The following TTC7A variants were observed in gnomAD, a reference collection of about 807,000 sequenced individuals.
TTC7A encodes tetratricopeptide repeat domain 7A, also known as tetratricopeptide repeat protein 7A.
TTC7A carries 110 observed loss-of-function variants against 103.7 expected under a neutral mutation model. The ratio of observed to expected loss-of-function variants is 1.06; its 90% CI spans 0.91 to 1.24. TTC7A has a LOEUF of 1.24. TTC7A is among the 50% of genes most tolerant of loss of function. The pLI is 0.00. For missense variants in TTC7A, 1,340 were observed against 1,116.3 expected (o/e 1.20, Z -2.86); for synonymous variants, 521 against 467.9 (o/e 1.11, Z -1.47).
At chr2:47,011,491 G>A in intron 11 of TTC7A, 56 bp downstream of exon 11, 1 of 1,413,582 alleles carries the variant, frequency 7.1e-7, no homozygotes. Flanking sequence ...GGTGGCAGCA[G>A]CTGGCTGTGC....
intron 19 of TTC7A, among the ~76,000 whole-genome samples, chr2:47,070,287 T>G (rs2347603): frequency 6.6e-6 from 1 of 152,136 alleles, no homozygotes; most frequent in Admixed American, 6.5e-5. Context: ...CCACTGAGTG[T>G]GAGCCCAGAC....
At chr2:47,046,515 C>A in intron 16 of TTC7A, 84 bp downstream of exon 16, 2 of 1,042,610 alleles carry the variant, frequency 1.9e-6, no homozygotes, top group Non-Finnish European at 1.5e-6. Flanking sequence ...CCATGCCTGC[C>A]AAGATGGGGA....
intron 14 of TTC7A, among the ~76,000 whole-genome samples, chr2:47,028,136 G>A (rs916860595): frequency 3.3e-5 from 5 of 152,132 alleles, no homozygotes; most frequent in African/African-American, 1.2e-4. Context: ...GTGTTGTGCT[G>A]AGAATGGTCT....
intron 2 of TTC7A, among the ~76,000 whole-genome samples, chr2:46,923,832 A>G (rs978870726): frequency 3.9e-5 from 6 of 152,068 alleles, no homozygotes; most frequent in African/African-American, 1.2e-4. Flanking sequence ...TCCCAGGTTC[A>G]AGCAAATCTC....
At chr2:46,980,561 G>T (rs555706099) in intron 5 of TTC7A, among the ~76,000 whole-genome samples, 6 of 152,246 alleles carry the variant, frequency 3.9e-5, no homozygotes, top group East Asian at 1.9e-4. Context: ...CAAATGTGGG[G>T]TTTTTTCCGC....
At chr2:47,038,208 G>A (rs1212801768) in intron 15 of TTC7A, among the ~76,000 whole-genome samples, 2 of 150,950 alleles carry the variant, frequency 1.3e-5, no homozygotes, top group East Asian at 1.9e-4. Flanking sequence ...GCAGTGAGCC[G>A]AGATCACGCC....
intron 3 of TTC7A, among the ~76,000 whole-genome samples, chr2:46,962,278 C>T (rs988249116): frequency 6.6e-6 from 1 of 152,184 alleles, no homozygotes; most frequent in Admixed American, 6.5e-5. Context: ...TTCAGTGTGT[C>T]CTGTGCTGAG....
intron 5 of TTC7A, among the ~76,000 whole-genome samples, chr2:46,987,225 G>C (rs985995906): frequency 6.6e-6 from 1 of 152,244 alleles, no homozygotes; most frequent in African/African-American, 2.4e-5. Context: ...GCCCCAGGCA[G>C]TTCGGCCACC....
upstream of TTC7A, among the ~76,000 whole-genome samples, chr2:46,940,466 C>T (rs1670234278): frequency 6.6e-6 from 1 of 152,186 alleles, no homozygotes; most frequent in African/African-American, 2.4e-5. This position sits in a 1 kb window ranked among gnomAD's most constrained non-coding sequence, Gnocchi z 4.7. Flanking sequence ...AGGCCCCGCC[C>T]CGTAGTCCTG....
chr2:46,942,863 G>A (rs565342668), intron 1 of TTC7A, among the ~76,000 whole-genome samples: 2 of 152,254 alleles, frequency 1.3e-5, no homozygotes, highest in East Asian at 3.9e-4. Context: ...AATTGTTTGT[G>A]GGGTTTTTTT....
At chr2:46,935,655 C>CTCCT (rs1164374455) in intron 2 of TTC7A, among the ~76,000 whole-genome samples, 1 of 152,164 alleles carries the variant, frequency 6.6e-6, no homozygotes, top group Admixed American at 6.5e-5. Flanking sequence ...CAACTGAGAC[C>CTCCT]TCCTCAACAC....
chr2:46,942,678 A>C (rs1670543364), intron 1 of TTC7A, among the ~76,000 whole-genome samples: 2 of 152,170 alleles, frequency 1.3e-5, no homozygotes, highest in African/African-American at 2.4e-5. Flanking sequence ...GCACAGAGCA[A>C]CTAAATAACT....
chr2:47,034,801 C>G (rs1355877445), intron 15 of TTC7A, among the ~76,000 whole-genome samples: 1 of 152,156 alleles, frequency 6.6e-6, no homozygotes, highest in Non-Finnish European at 1.5e-5. Flanking sequence ...TCTGCTGGCC[C>G]AGTACTGGTC....
chr2:46,957,675 C>G (rs1019301218), intron 3 of TTC7A, among the ~76,000 whole-genome samples: 1 of 152,142 alleles, frequency 6.6e-6, no homozygotes, highest in African/African-American at 2.4e-5. Context: ...CTGGGGGAAT[C>G]GTGCCATTTA....
chr2:47,001,632 G>A (rs951273373), intron 8 of TTC7A, among the ~76,000 whole-genome samples: 4 of 152,084 alleles, frequency 2.6e-5, no homozygotes, highest in East Asian at 1.9e-4. Context: ...CGAGGCGGGC[G>A]GATCACTTGA....
intron 8 of TTC7A, among the ~76,000 whole-genome samples, chr2:46,999,235 C>A (rs76421300): frequency 0.074 from 11,207 of 152,022 alleles, 501 homozygotes; most frequent in African/African-American, 0.12. Flanking sequence ...ACCCACCCAC[C>A]AACCATGCAT....
chr2:46,970,103 C>T (rs1372353415), intron 3 of TTC7A, among the ~76,000 whole-genome samples: 1 of 152,176 alleles, frequency 6.6e-6, no homozygotes, highest in Non-Finnish European at 1.5e-5. Flanking sequence ...AATTCTCCCA[C>T]CTCTGTCTTC....
At chr2:47,066,491 A>G (rs1422137488) in intron 19 of TTC7A, among the ~76,000 whole-genome samples, 7 of 139,618 alleles carry the variant, frequency 5.0e-5, no homozygotes, top group Non-Finnish European at 8.9e-5. Flanking sequence ...CTCTAAGGCC[A>G]AAAGGATGAA....
Position 47,024,282 on chromosome 2 carries a change from C to T in TTC7A, c.1569-5C>T, listed in dbSNP as rs971546145. The T allele has an allele frequency of 4.4e-6, 7 of 1,597,362 alleles. No homozygotes were observed. The highest frequency in any genetic ancestry group is 6.0e-6 in the Non-Finnish European group (7 of 1,171,620). ...CCTGACTTGTCACTCCCTCTCCCCA[C>T]ACAGGGCTCAGCAGCTGGCGCCCAG... On this transcript the variant is annotated splice_region_variant and splice_polypyrimidine_tract_variant and intron_variant, in intron 13 of 19. Coordinates refer to ENST00000319190, the MANE Select transcript of TTC7A (RefSeq NM_020458.4).
Sources: allele counts gnomAD v4.1 joint callset (sites outside exome capture counted in the v4.1 genomes callset), GRCh38; gene constraint gnomAD v4.1.1; non-coding constraint Gnocchi (gnomAD v3.1); transcripts MANE v1.5; gene names NCBI Gene and HGNC (gene_info 2026-07-23, HGNC 2026-07-21).